Variants in ERGIC1 observed in about 807,000 individuals in gnomAD.
The protein encoded by ERGIC1 is endoplasmic reticulum-Golgi intermediate compartment protein 1.
In ERGIC1, 19 loss-of-function variants were observed where a neutral mutation model predicts 38.3. The observed-to-expected ratio is 0.50, with a 90% CI of 0.35 to 0.73. The LOEUF (loss-of-function observed/expected upper bound fraction) is 0.73. ERGIC1 is among the 30% of genes least tolerant of loss of function. The pLI, the probability that ERGIC1 is intolerant of heterozygous loss-of-function variation, is 0.01. For missense variants in ERGIC1, 294 were observed against 389.2 expected (o/e 0.76, Z 2.06); for synonymous variants, 124 against 157.6 (o/e 0.79, Z 1.60).
chr5:172,887,137 T>TAGG (rs1251255723), intron 1 of ERGIC1, among the ~76,000 whole-genome samples: 6 of 152,218 alleles, frequency 3.9e-5, no homozygotes, highest in African/African-American at 1.4e-4. Flanking sequence ...CATCGGCCCT[T>TAGG]ACGCAAGGTT....
chr5:172,875,840 T>A lies in ERGIC1; in HGVS notation c.21-12859T>A, dbSNP rs184165248. On this transcript the variant is annotated intron_variant, in intron 1 of 9. Transcript: ENST00000393784. ...CTCAAGAGATTTTCCTGCCTTGGGATAACAGGCATGAGCCACCATGCCTGG... is the reference window on the plus strand; with the variant it reads ...CTCAAGAGATTTTCCTGCCTTGGGAAAACAGGCATGAGCCACCATGCCTGG... 4.6e-5 allele frequency among the ~76,000 whole-genome samples: 7 copies of A among 152,332 alleles called. No individual in the cohort carries two copies. In the East Asian group the frequency reaches 1.4e-3, roughly 29 times the overall value.
rs771467676 is a variant in ERGIC1, at chr5:172,923,989, C to T, written c.376-16C>T. The stretch of plus-strand genomic sequence containing the variant: ...AGAAGTCAACCAAACTCCTGAAACT[C>T]ACATTTCTCCCCCAGGTCCCCGGCA... On this transcript the variant is annotated splice_polypyrimidine_tract_variant and intron_variant, in intron 5 of 9. Coordinates refer to ENST00000393784, the MANE Select transcript of ERGIC1 (RefSeq NM_001031711.3). 53 of 1,613,142 alleles carry T rather than the reference C, an allele frequency of 3.3e-5. No homozygotes were observed. The highest frequency in any genetic ancestry group is 4.0e-5 in the Non-Finnish European group (47 of 1,179,464).
At position 172,893,941 on chromosome 5, in the gene ERGIC1, A is replaced by ATATATATATATATATATATATATG. The variant is rs1259799557; in HGVS notation, c.83-3048_83-3047insATATATATATGTATATATATATAT. 7.0e-4 allele frequency among the ~76,000 whole-genome samples: 27 copies of ATATATATATATATATATATATATG among 38,666 alleles called. 1 individual carries two copies. Among genetic ancestry groups the ATATATATATATATATATATATATG allele is most frequent in the African/African-American group, 1.7e-3 (27 of 15,448 alleles). The allele number at this position is 38,666 out of a possible 152,430, so 25.4% of individuals were successfully genotyped here. A position where few individuals can be genotyped will look rare whatever the true frequency, so the allele number is the denominator to read the frequency against. On this transcript the variant is annotated intron_variant, in intron 2 of 9. Coordinates refer to ENST00000393784, the MANE Select transcript of ERGIC1 (RefSeq NM_001031711.3). ...TGTGTGTGTGTGTGTGTGTGTATAT[A>ATATATATATATATATATATATATG]TATATATATATATTTAAATGTCCAT...
At position 172,926,713 on chromosome 5, in the gene ERGIC1, TAACCA is replaced by T; in HGVS notation, c.541+145_541+149del. On this transcript the variant is annotated intron_variant, in intron 7 of 9. Transcript: ENST00000393784. The surrounding 1 kb of genome is among the most constrained non-coding windows in gnomAD (Gnocchi z 5.2). ...GCTGCTCACACTCCATTCCCACAGCTAACCAGTGGGAAGGTGGACCCAGCCCCGTC... is the reference window on the plus strand; with the variant it reads ...GCTGCTCACACTCCATTCCCACAGCTGTGGGAAGGTGGACCCAGCCCCGTC... The T allele has an allele frequency of 1.7e-5, 15 of 868,810 alleles. No individual in the cohort carries two copies. Among genetic ancestry groups the T allele is most frequent in the Non-Finnish European group, 2.7e-5 (15 of 551,290 alleles). 53.8% of individuals were successfully genotyped at this position (868,810 alleles called of 1,614,324 possible).
intron 2 of ERGIC1, among the ~76,000 whole-genome samples, chr5:172,893,935 GTATA>G (rs1554110408): frequency 4.0e-4 from 17 of 42,826 alleles, no homozygotes; most frequent in African/African-American, 1.2e-3. Flanking sequence ...GTGTGTGTGT[GTATA>G]TATATATATA....
chr5:172,897,514 C>A (rs924256263), intron 3 of ERGIC1, among the ~76,000 whole-genome samples: 1 of 151,802 alleles, frequency 6.6e-6, no homozygotes, highest in Admixed American at 6.6e-5. Context: ...AGGCCTGTGG[C>A]ATCGGTTGCT....
At chr5:172,869,949 G>A (rs1393192902) in intron 1 of ERGIC1, among the ~76,000 whole-genome samples, 1 of 152,184 alleles carries the variant, frequency 6.6e-6, no homozygotes, top group African/African-American at 2.4e-5. Context: ...TTGGGTCTCA[G>A]CCTTACCAGC....
chr5:172,945,761 T>G (rs537156237), intron 9 of ERGIC1, among the ~76,000 whole-genome samples: 4 of 152,312 alleles, frequency 2.6e-5, no homozygotes, highest in Admixed American at 1.3e-4. Flanking sequence ...CTCGACTCAC[T>G]GCAACCTCCA....
Position 172,926,869 on chromosome 5 carries a change from T to G in ERGIC1, c.541+300T>G, listed in dbSNP as rs11748190. 28,972 of 387,250 alleles carry G rather than the reference T, an allele frequency of 0.075. 1,508 individuals carry two copies. The highest frequency in any genetic ancestry group is 0.1 in the Non-Finnish European group (21,628 of 206,376). The allele number at this position is 387,250 out of a possible 1,614,324, so 24.0% of individuals were successfully genotyped here. ...TCACAGCCACATCATCATCCTTAGTTGAACTAATTACCTAAGATCCCACAG... is the reference window on the plus strand; with the variant it reads ...TCACAGCCACATCATCATCCTTAGTGGAACTAATTACCTAAGATCCCACAG... On this transcript the variant is annotated intron_variant, in intron 7 of 9. Transcript: ENST00000393784. This position sits in a 1 kb window ranked among gnomAD's most constrained non-coding sequence, Gnocchi z 5.2.
intron 4 of ERGIC1, among the ~76,000 whole-genome samples, chr5:172,914,234 CAAAAAAAAA>C (rs35584191): frequency 5.4e-4 from 55 of 102,158 alleles, no homozygotes; most frequent in African/African-American, 6.0e-4. Flanking sequence ...GACTCTGTCT[CAAAAAAAAA>C]AAAAAAAAAA....
chr5:172,880,717 C>T (rs571030021), intron 1 of ERGIC1, among the ~76,000 whole-genome samples: 3 of 152,370 alleles, frequency 2.0e-5, no homozygotes, highest in Admixed American at 1.3e-4. Flanking sequence ...TTCTGTAAAG[C>T]GAACGGGTTG....
intron 1 of ERGIC1, among the ~76,000 whole-genome samples, chr5:172,888,081 C>T (rs1762465876): frequency 6.6e-6 from 1 of 152,196 alleles, no homozygotes; most frequent in Non-Finnish European, 1.5e-5. Context: ...GCACCAGGCC[C>T]ATGCTAGGGT....
chr5:172,887,700 G>A (rs1198315073), intron 1 of ERGIC1, among the ~76,000 whole-genome samples: 2 of 152,204 alleles, frequency 1.3e-5, no homozygotes, highest in South Asian at 2.1e-4. Flanking sequence ...CTGTGCTCTG[G>A]TGGGATCCAT....
intron 4 of ERGIC1, among the ~76,000 whole-genome samples, chr5:172,912,442 C>T (rs1466167812): frequency 3.3e-5 from 5 of 152,218 alleles, no homozygotes; most frequent in Admixed American, 1.3e-4. Context: ...GGCTGGAGTG[C>T]GATGGCGCGA....
Position 172,877,458 on chromosome 5 carries a change from ATTTT to A in ERGIC1, c.21-11226_21-11223del, listed in dbSNP as rs56384349. Among the ~76,000 whole-genome samples the A allele has an allele frequency of 1.5e-3, 131 of 86,618 alleles. 2 individuals carry two copies. Among genetic ancestry groups the A allele is most frequent in the African/African-American group, 4.1e-3 (96 of 23,470 alleles). 56.8% of individuals were successfully genotyped at this position (86,618 alleles called of 152,430 possible). On this transcript the variant is annotated intron_variant, in intron 1 of 9. Transcript: ENST00000393784. ...TGTGTGTGTATATATATATATATAT[ATTTT>A]TTTTTTTTTTTTTTGAGATGGAGTT...
At chr5:172,847,455 G>T (rs990112353) in intron 1 of ERGIC1, among the ~76,000 whole-genome samples, 10 of 152,072 alleles carry the variant, frequency 6.6e-5, no homozygotes, top group African/African-American at 2.2e-4. Context: ...CCACTATTCT[G>T]CTACTATCAT....
chr5:172,939,926 A>G (rs1284673590), intron 9 of ERGIC1, among the ~76,000 whole-genome samples: 1 of 152,240 alleles, frequency 6.6e-6, no homozygotes, highest in African/African-American at 2.4e-5. Context: ...TGGGGCCAGG[A>G]TGGAAGTGGA....
chr5:172,834,472 G>A lies in ERGIC1; in HGVS notation c.20+39G>A. ...CCCCGGCCAGTCGGGAGTTCCCTCA[G>A]CGGGCAGAGGGAGCGCCCCGGCACG... On this transcript the variant is annotated intron_variant, in intron 1 of 9. Coordinates refer to ENST00000393784, the MANE Select transcript of ERGIC1 (RefSeq NM_001031711.3). The surrounding 1 kb of genome is among the most constrained non-coding windows in gnomAD (Gnocchi z 4.1). The A allele has an allele frequency of 7.7e-7, 1 of 1,299,894 alleles. No homozygotes were observed. 80.5% of individuals were successfully genotyped at this position (1,299,894 alleles called of 1,614,324 possible).
intron 5 of ERGIC1, among the ~76,000 whole-genome samples, chr5:172,919,037 C>T (rs1763446569): frequency 6.6e-6 from 1 of 152,200 alleles, no homozygotes; most frequent in East Asian, 1.9e-4. Context: ...ATTGAGCATC[C>T]ACCTCACGCC....
Sources: allele counts gnomAD v4.1 joint callset (sites outside exome capture counted in the v4.1 genomes callset), GRCh38; gene constraint gnomAD v4.1.1; non-coding constraint Gnocchi (gnomAD v3.1); transcripts MANE v1.5; gene names NCBI Gene and HGNC (gene_info 2026-07-23, HGNC 2026-07-21).